PLD5: variants seen among roughly 807,000 people sequenced by gnomAD.
PLD5 encodes phospholipase D family member 5.
A neutral mutation model predicts 61.1 loss-of-function variants in PLD5; 36 were observed. The ratio of observed to expected loss-of-function variants is 0.59; its 90% CI spans 0.45 to 0.78. The LOEUF (loss-of-function observed/expected upper bound fraction) is 0.78, where lower values mean the gene tolerates loss of function less well. Among genes scored for constraint, PLD5 ranks in the 30% least tolerant of loss-of-function variants. The pLI, the probability that PLD5 is intolerant of heterozygous loss-of-function variation, is 0.00. For missense variants in PLD5, 515 were observed against 644.4 expected, an observed-to-expected ratio of 0.80 and a Z score of 2.17; for synonymous variants, 243 against 242.8, an observed-to-expected ratio of 1.00 and a Z score of -0.01.
At chr1:242,169,797 G>A (rs1268436311) in intron 5 of PLD5, among the ~76,000 whole-genome samples, 7 of 152,160 alleles carry the variant, frequency 4.6e-5, no homozygotes, top group South Asian at 2.1e-4. Context: ...TTACCCTCAC[G>A]GTGTAAACAA....
intron 1 of PLD5, among the ~76,000 whole-genome samples, chr1:242,500,392 G>A (rs568417336): frequency 1.1e-3 from 171 of 152,288 alleles, no homozygotes; most frequent in African/African-American, 3.9e-3. Flanking sequence ...GTCCAACACT[G>A]TTCTATGCAC....
At chr1:242,222,694 GA>G (rs1670675810) in intron 4 of PLD5, among the ~76,000 whole-genome samples, 1 of 152,182 alleles carries the variant, frequency 6.6e-6, no homozygotes, top group Non-Finnish European at 1.5e-5. Flanking sequence ...GTCCACTGGG[GA>G]CGACCTCTTT....
chr1:242,132,203 G>GA (rs1485548219), intron 5 of PLD5, among the ~76,000 whole-genome samples: 1 of 98,084 alleles, frequency 1.0e-5, no homozygotes, highest in African/African-American at 3.6e-5. Flanking sequence ...GGGGGGGGGG[G>GA]GGGGCGGAAT....
intron 1 of PLD5, among the ~76,000 whole-genome samples, chr1:242,511,671 G>A (rs1458404121): frequency 2.0e-5 from 3 of 152,120 alleles, no homozygotes; most frequent in Non-Finnish European, 4.4e-5. Context: ...TCAAGGTGGT[G>A]AAAAATAAGG....
At position 242,112,214 on chromosome 1, in the gene PLD5, T is replaced by C. The variant is rs112684521; in HGVS notation, c.1070+1676A>G. Among the ~76,000 whole-genome samples the C allele has an allele frequency of 3.2e-4, 47 of 146,248 alleles. No individual in the cohort carries two copies. In the South Asian group the frequency reaches 3.7e-3, roughly 12 times the overall value. On this transcript the variant is annotated intron_variant, in intron 7 of 9. Coordinates refer to ENST00000536534, the MANE Select transcript of PLD5 (RefSeq NM_001372062.1). ...AAGTGAACAACAAAGGGAGGAAAAA[T>C]AAAAAGGAGGGATAGAAAAGGTGTG...
intron 1 of PLD5, among the ~76,000 whole-genome samples, chr1:242,445,069 C>A (rs1301342693): frequency 6.6e-6 from 1 of 152,088 alleles, no homozygotes. Flanking sequence ...TCCCACCTCC[C>A]AAACTCATTT....
At chr1:242,347,727 G>A (rs372451219) in intron 2 of PLD5, among the ~76,000 whole-genome samples, 4 of 152,164 alleles carry the variant, frequency 2.6e-5, no homozygotes, top group African/African-American at 9.7e-5. Flanking sequence ...TCCCTGAGAC[G>A]TGTATTTTTT....
intron 1 of PLD5, among the ~76,000 whole-genome samples, chr1:242,465,430 G>A (rs1332079217): frequency 6.6e-6 from 1 of 152,196 alleles, no homozygotes; most frequent in Non-Finnish European, 1.5e-5. Flanking sequence ...ATCAGATCAT[G>A]TCACTTGTCT....
chr1:242,360,617 T>C (rs1399935758), intron 1 of PLD5, among the ~76,000 whole-genome samples: 2 of 152,138 alleles, frequency 1.3e-5, no homozygotes, highest in Non-Finnish European at 2.9e-5. Flanking sequence ...GATAAAATTG[T>C]ATCATGCTGT....
chr1:242,405,086 G>C (rs1664158375), intron 1 of PLD5, among the ~76,000 whole-genome samples: 1 of 151,652 alleles, frequency 6.6e-6, no homozygotes, highest in African/African-American at 2.4e-5. Context: ...TCACCAAGTT[G>C]ACCAGGCTGG....
intron 6 of PLD5, 129 bp from the exon 7 acceptor site, chr1:242,114,155 A>G (rs1198892092): frequency 1.0e-6 from 1 of 953,950 alleles, no homozygotes; most frequent in East Asian, 2.6e-5. Context: ...TGCTTCATCA[A>G]ATTAGACAAA....
intron 5 of PLD5, among the ~76,000 whole-genome samples, chr1:242,137,583 A>G (rs1663838507): frequency 1.3e-5 from 2 of 152,128 alleles, no homozygotes; most frequent in African/African-American, 4.8e-5. Flanking sequence ...TGTAGGGGGA[A>G]ATGTGTTGAA....
intron 1 of PLD5, among the ~76,000 whole-genome samples, chr1:242,515,914 A>G (rs12083579): frequency 0.016 from 2,421 of 152,310 alleles, 64 homozygotes; most frequent in African/African-American, 0.056. Flanking sequence ...GTCCTACCAG[A>G]AGTTATGAGA....
intron 1 of PLD5, among the ~76,000 whole-genome samples, chr1:242,506,001 A>G (rs2654855): frequency 0.31 from 47,455 of 152,156 alleles, 8,820 homozygotes; most frequent in African/African-American, 0.52. Context: ...AAAAGCTCCC[A>G]TTTTTGTCTT....
At chr1:242,186,275 C>T (rs570741741) in intron 5 of PLD5, among the ~76,000 whole-genome samples, 24 of 151,982 alleles carry the variant, frequency 1.6e-4, no homozygotes, top group Non-Finnish European at 2.9e-4. Flanking sequence ...CTCCACCTCC[C>T]GGGTTCAAGC....
intron 3 of PLD5, among the ~76,000 whole-genome samples, chr1:242,274,052 G>A (rs1191030577): frequency 6.6e-6 from 1 of 152,164 alleles, no homozygotes; most frequent in Non-Finnish European, 1.5e-5. Flanking sequence ...AAAAGTCCAT[G>A]GCAATTTGTT....
At chr1:242,138,439 G>A (rs539850978) in intron 5 of PLD5, among the ~76,000 whole-genome samples, 2 of 152,142 alleles carry the variant, frequency 1.3e-5, no homozygotes, top group East Asian at 1.9e-4. Flanking sequence ...AGATTAGAAG[G>A]GATTTTTTTT....
At chr1:242,341,017 T>G (rs1216802062) in intron 2 of PLD5, among the ~76,000 whole-genome samples, 5 of 152,056 alleles carry the variant, frequency 3.3e-5, no homozygotes, top group African/African-American at 4.8e-5. Context: ...AATAGAAGTC[T>G]TCATGAAAAG....
intron 3 of PLD5, among the ~76,000 whole-genome samples, chr1:242,288,004 A>G (rs1675128402): frequency 6.6e-6 from 1 of 152,214 alleles, no homozygotes; most frequent in Admixed American, 6.5e-5. Flanking sequence ...GCAGTTACAG[A>G]ATTAGAACTG....
Sources: allele counts gnomAD v4.1 joint callset (sites outside exome capture counted in the v4.1 genomes callset), GRCh38; gene constraint gnomAD v4.1.1; transcripts MANE v1.5; gene names NCBI Gene and HGNC (gene_info 2026-07-23, HGNC 2026-07-21).